Variants in ADCY1 observed in about 807,000 individuals in gnomAD.
ADCY1 encodes the protein adenylate cyclase type 1.
ADCY1 carries 28 observed loss-of-function variants against 105.4 expected under a neutral mutation model. The observed-to-expected ratio is 0.27, with a 90% CI of 0.20 to 0.36. The LOEUF (loss-of-function observed/expected upper bound fraction) is 0.36, where lower values mean the gene tolerates loss of function less well. Among genes scored for constraint, ADCY1 ranks in the 10% least tolerant of loss-of-function variants. The pLI is 1.00. For missense variants in ADCY1, 977 were observed against 1,434.2 expected (o/e 0.68, Z 5.15); for synonymous variants, 655 against 623.8 (o/e 1.05, Z -0.75).
intron 1 of ADCY1, among the ~76,000 whole-genome samples, chr7:45,590,399 G>A (rs1342928717): frequency 1.3e-5 from 2 of 152,200 alleles, no homozygotes; most frequent in Admixed American, 6.5e-5. Flanking sequence ...TAGAAAGTGG[G>A]TGGTGGCCTC....
In ADCY1 at chr7:45,591,899, G is replaced by T. The variant is rs1792928003; in HGVS notation, c.640-860G>T. ...CACTGCTAGTGCTGGCTCCTTCTCA[G>T]GCTGGCCCCTTCTTTGTGTCTCATC... is the stretch of plus-strand genomic sequence containing the variant. On this transcript the variant is annotated intron_variant, in intron 1 of 19. Transcript: ENST00000297323. The surrounding 1 kb of genome is among the most constrained non-coding windows in gnomAD (Gnocchi z 4.1). Among the ~76,000 whole-genome samples the T allele has an allele frequency of 6.6e-6, 1 of 152,216 alleles. No individual in the cohort carries two copies. The highest frequency in any genetic ancestry group is 2.4e-5 in the African/African-American group (1 of 41,472).
At chr7:45,618,659 C>T (rs578078881) in intron 3 of ADCY1, among the ~76,000 whole-genome samples, 1 of 152,268 alleles carries the variant, frequency 6.6e-6, no homozygotes, top group East Asian at 1.9e-4. Context: ...ATCCAAACCA[C>T]AATGAGAATC....
rs776680651 is a variant in ADCY1, at chr7:45,581,917, CA to C, written c.639+6738del. 5.9e-5 allele frequency among the ~76,000 whole-genome samples: 9 copies of C among 152,318 alleles called. No individual in the cohort carries two copies. The South Asian group carries it at 1.9e-3, about 32-fold the overall frequency. On this transcript the variant is annotated intron_variant, in intron 1 of 19. Transcript: ENST00000297323. ...CATACACTCACACTCATTCTCCCCC[CA>C]AACATGCATGCACATAATCACACAG...
chr7:45,592,699 G>A, intron 1 of ADCY1, 60 bp from the exon 2 acceptor site: 1 of 1,608,390 alleles, frequency 6.2e-7, no homozygotes, highest in East Asian at 2.2e-5. Flanking sequence ...GGGCGGCCTA[G>A]GCCCTCTTTG....
intron 4 of ADCY1, among the ~76,000 whole-genome samples, chr7:45,644,063 T>C (rs1206984227): frequency 6.6e-6 from 1 of 152,236 alleles, no homozygotes; most frequent in Non-Finnish European, 1.5e-5. Flanking sequence ...ACTCCAGTCT[T>C]ACAAAGTTAA....
intron 4 of ADCY1, among the ~76,000 whole-genome samples, chr7:45,630,990 A>C (rs1283718390): frequency 1.3e-5 from 2 of 152,174 alleles, no homozygotes; most frequent in Admixed American, 6.5e-5. Flanking sequence ...AATAAGACTA[A>C]ATATGACTAT....
intron 2 of ADCY1, among the ~76,000 whole-genome samples, chr7:45,601,933 G>A (rs1174950883): frequency 6.6e-6 from 1 of 152,090 alleles, no homozygotes; most frequent in Non-Finnish European, 1.5e-5. Flanking sequence ...GGCAGAGGAC[G>A]CCAGGGCTGC....
rs370710529 is a variant in ADCY1 at position 45,703,734 on chromosome 7, C to T, written c.2706C>T (p.Ala902=). The T allele has an allele frequency of 5.1e-5, 81 of 1,582,216 alleles. No individual in the cohort carries two copies. Among genetic ancestry groups the T allele is most frequent in the Admixed American group, 4.2e-4 (24 of 57,380 alleles). ...ECLRLLNEII[A]DFDELMEKDF... ...TGCGGCTTCTCAACGAGATCATCGC[C>T]GACTTTGACGAGGTGAGGCTGTGCG... Residue 902 remains alanine (A), a synonymous_variant, in exon 16 of 20, where the codon GCC becomes GCT. Coordinates refer to ENST00000297323, the MANE Select transcript of ADCY1 (RefSeq NM_021116.4). This position sits in a 1 kb window ranked among gnomAD's most constrained non-coding sequence, Gnocchi z 5.9.
At chr7:45,665,023 A>G (rs971172651) in intron 8 of ADCY1, among the ~76,000 whole-genome samples, 9 of 152,130 alleles carry the variant, frequency 5.9e-5, no homozygotes, top group African/African-American at 2.2e-4. Context: ...GAGTGAGAAC[A>G]TGCGGTGTTT....
chr7:45,649,411 T>C (rs1392583192), intron 5 of ADCY1, among the ~76,000 whole-genome samples: 1 of 152,216 alleles, frequency 6.6e-6, no homozygotes, highest in African/African-American at 2.4e-5. Context: ...TGAGCTAATG[T>C]ATGGAGTGTA....
At chr7:45,701,912 C>T (rs986981907) in intron 14 of ADCY1, among the ~76,000 whole-genome samples, 1 of 152,202 alleles carries the variant, frequency 6.6e-6, no homozygotes, top group African/African-American at 2.4e-5. Context: ...TTGTCCTCAT[C>T]TGCTTCTGGT....
At chr7:45,666,213 G>A (rs1784252251) in intron 8 of ADCY1, among the ~76,000 whole-genome samples, 1 of 152,044 alleles carries the variant, frequency 6.6e-6, no homozygotes. Flanking sequence ...GTATACATGT[G>A]CCATGTTGGT....
At position 45,722,043 on chromosome 7, in the gene ADCY1, G is replaced by A. The variant is rs909342849; in HGVS notation, c.*8048G>A. On this transcript the variant is annotated 3_prime_UTR_variant, in exon 20 of 20. Coordinates refer to ENST00000297323, the MANE Select transcript of ADCY1 (RefSeq NM_021116.4). Reference sequence around the variant, plus strand: ...CCCAGGTGAGGGCAGTGGGAAGCTGGCCCGACGGCAGCCAGAACTTGTTTC... The same window carrying A: ...CCCAGGTGAGGGCAGTGGGAAGCTGACCCGACGGCAGCCAGAACTTGTTTC... 1.3e-5 allele frequency: 5 copies of A among 386,156 alleles called. No individual in the cohort carries two copies. The highest frequency in any genetic ancestry group is 2.3e-5 in the Non-Finnish European group (5 of 218,434). 23.9% of individuals were successfully genotyped at this position (386,156 alleles called of 1,614,324 possible).
At chr7:45,620,470 G>A (rs563605684) in intron 3 of ADCY1, among the ~76,000 whole-genome samples, 1 of 152,228 alleles carries the variant, frequency 6.6e-6, no homozygotes, top group African/African-American at 2.4e-5. Context: ...CACACATATT[G>A]AGAGTCCCAC....
chr7:45,701,978 G>A (rs181851172), intron 14 of ADCY1, among the ~76,000 whole-genome samples: 5 of 152,286 alleles, frequency 3.3e-5, no homozygotes, highest in African/African-American at 1.2e-4. Flanking sequence ...TCCATGGATC[G>A]CACTGATTCG....
At chr7:45,630,860 A>C (rs368335364) in intron 4 of ADCY1, among the ~76,000 whole-genome samples, 1 of 152,094 alleles carries the variant, frequency 6.6e-6, no homozygotes, top group South Asian at 2.1e-4. Flanking sequence ...TTGCATTTAC[A>C]GATTCCAGAA....
chr7:45,626,902 G>A (rs1001276126), intron 4 of ADCY1, among the ~76,000 whole-genome samples: 8 of 152,132 alleles, frequency 5.3e-5, no homozygotes, highest in African/African-American at 1.9e-4. Flanking sequence ...GCAGTGTGTG[G>A]GTGGGGGCAC....
chr7:45,711,648 C>CATATAT (rs1300735473), intron 19 of ADCY1, among the ~76,000 whole-genome samples: 1 of 40,230 alleles, frequency 2.5e-5, no homozygotes, highest in African/African-American at 5.0e-5. Context: ...TATATATACA[C>CATATAT]ACACACACGT....
intron 14 of ADCY1, among the ~76,000 whole-genome samples, chr7:45,695,466 A>T (rs984158061): frequency 6.6e-6 from 1 of 152,136 alleles, no homozygotes; most frequent in African/African-American, 2.4e-5. Context: ...TTCTCCTGCC[A>T]AGTTAAGTAC....
Sources: allele counts gnomAD v4.1 joint callset (sites outside exome capture counted in the v4.1 genomes callset), GRCh38; gene constraint gnomAD v4.1.1; non-coding constraint Gnocchi (gnomAD v3.1); transcripts MANE v1.5; gene names NCBI Gene and HGNC (gene_info 2026-07-23, HGNC 2026-07-21).